The following NSD2 variants were observed in gnomAD, a reference collection of about 807,000 sequenced individuals.
The protein encoded by NSD2 is histone-lysine N-methyltransferase NSD2.
A neutral mutation model predicts 139.0 loss-of-function variants in NSD2; 12 were observed. That is an observed-to-expected ratio of 0.09 (90% CI 0.06 to 0.14). The LOEUF is 0.14. NSD2 is among the 10% of genes least tolerant of loss of function. The pLI, the probability that NSD2 is intolerant of heterozygous loss-of-function variation, is 1.00. For synonymous variants in NSD2, 669 were observed against 648.7 expected, an observed-to-expected ratio of 1.03 and a Z score of -0.48; for missense variants, 1,155 against 1,745.0, an observed-to-expected ratio of 0.66 and a Z score of 6.02.
intron 1 of NSD2, among the ~76,000 whole-genome samples, chr4:1,881,318 A>G (rs1310319580): frequency 6.6e-6 from 1 of 152,170 alleles, no homozygotes; most frequent in Non-Finnish European, 1.5e-5. Flanking sequence ...GCTGGAGTGC[A>G]GTGGCGCGAT....
Position 1,901,004 on chromosome 4 carries a change from T to C in NSD2, c.350T>C (p.Ile117Thr), listed in dbSNP as rs78479906. 1 of 1,614,060 alleles carries C rather than the reference T, an allele frequency of 6.2e-7. No individual in the cohort carries two copies. Among genetic ancestry groups the C allele is most frequent in the African/African-American group, 1.3e-5 (1 of 74,994 alleles). The change falls in exon 2 of 22, where the codon ATC becomes ACC. Residue 117 changes from isoleucine (I) to threonine (T), a missense_variant. By Grantham distance (89) the Ile-to-Thr change is moderately conservative. Coordinates refer to ENST00000508803, the MANE Select transcript of NSD2 (RefSeq NM_001042424.3). ...GIGTPPNTTP[I>T]KNGSPEIKLK... ...GGGACACCCCCTAACACTACCCCTA[T>C]CAAAAATGGCTCTCCAGAAATTAAG...
chr4:1,978,927 G>A lies in NSD2; in HGVS notation c.*18G>A. On this transcript the variant is annotated 3_prime_UTR_variant, in exon 22 of 22. Coordinates refer to ENST00000508803, the MANE Select transcript of NSD2 (RefSeq NM_001042424.3). Reference sequence around the variant, plus strand: ...GCAAATAGCGCCAGGCGGCCGCTTGGCCGGATCCAGGGGCGGTGCAGGGCG... The same window carrying A: ...GCAAATAGCGCCAGGCGGCCGCTTGACCGGATCCAGGGGCGGTGCAGGGCG... 3 of 1,479,072 alleles carry A rather than the reference G, an allele frequency of 2.0e-6. No individual in the cohort carries two copies. Among genetic ancestry groups the A allele is most frequent in the Non-Finnish European group, 2.7e-6 (3 of 1,112,004 alleles). 91.6% of individuals were successfully genotyped at this position (1,479,072 alleles called of 1,614,324 possible).
intron 1 of NSD2, among the ~76,000 whole-genome samples, chr4:1,874,493 A>G (rs1208630743): frequency 6.6e-6 from 1 of 152,166 alleles, no homozygotes; most frequent in Non-Finnish European, 1.5e-5. Flanking sequence ...TTCTCATGGC[A>G]TACACTCAGT....
chr4:1,892,333 C>G (rs1715640265), intron 1 of NSD2: 1 of 152,124 alleles, frequency 6.6e-6, no homozygotes, highest in Non-Finnish European at 1.5e-5. Context: ...ATAGCCTTCC[C>G]CCTGCTTCTG....
At chr4:1,961,006 T>C (rs371100224) in intron 17 of NSD2, 29 bp from the exon 18 acceptor site, 19 of 1,595,356 alleles carry the variant, frequency 1.2e-5, no homozygotes, top group Admixed American at 1.7e-5. Context: ...GCACGCTTTT[T>C]GTCATGGCCA....
intron 9 of NSD2, chr4:1,943,742 GA>G: frequency 9.5e-7 from 1 of 1,056,852 alleles, no homozygotes; most frequent in Non-Finnish European, 1.1e-6. Flanking sequence ...AAAACCCCAC[GA>G]AATTTAAAGA....
chr4:1,876,337 C>T (rs1714253463), intron 1 of NSD2, among the ~76,000 whole-genome samples: 1 of 152,120 alleles, frequency 6.6e-6, no homozygotes, highest in South Asian at 2.1e-4. Flanking sequence ...GTGGTTTCAA[C>T]AAAATATACA....
chr4:1,888,710 G>A (rs1306236621), intron 1 of NSD2, among the ~76,000 whole-genome samples: 3 of 150,220 alleles, frequency 2.0e-5, no homozygotes, highest in South Asian at 2.1e-4. Flanking sequence ...GATTACAGGC[G>A]TGAACCCACT....
chr4:1,947,345 G>T, intron 9 of NSD2: 1 of 1,061,974 alleles, frequency 9.4e-7, no homozygotes, highest in South Asian at 4.6e-5. Context: ...CACCTGCTTG[G>T]GGCTATGTGG....
chr4:1,899,801 G>A (rs1328124595), intron 1 of NSD2, among the ~76,000 whole-genome samples: 1 of 152,232 alleles, frequency 6.6e-6, no homozygotes, highest in Non-Finnish European at 1.5e-5. Context: ...TGGCCAGTGT[G>A]GTGCACTGGC....
At chr4:1,914,815 A>G (rs1411139662) in intron 3 of NSD2, among the ~76,000 whole-genome samples, 2 of 152,102 alleles carry the variant, frequency 1.3e-5, no homozygotes, top group African/African-American at 4.8e-5. Flanking sequence ...TTCTTGTTCC[A>G]TTAACTTGGA....
chr4:1,903,908 G>C (rs1433113351), intron 2 of NSD2, among the ~76,000 whole-genome samples: 3 of 151,974 alleles, frequency 2.0e-5, no homozygotes, highest in Non-Finnish European at 4.4e-5. Context: ...CTAATTTTTT[G>C]TATTTTTAGT....
Position 1,900,810 on chromosome 4 carries a change from G to A in NSD2, c.156G>A (p.Gln52=). The A allele has an allele frequency of 6.2e-7, 1 of 1,614,124 alleles. No homozygotes were observed. Among genetic ancestry groups the A allele is most frequent in the South Asian group, 1.1e-5 (1 of 91,084 alleles). The part of the protein sequence containing the change: ...RECSVFLSKA[Q]LSSSLQEGVM... ...GTTCTGTGTTCCTCAGCAAAGCCCA[G>A]CTCTCCAGTAGCCTGCAGGAGGGGG... Residue 52 remains glutamine, a synonymous_variant, in exon 2 of 22, where the codon CAG becomes CAA. Transcript: ENST00000508803.
At chr4:1,909,415 A>G (rs1718372112) in intron 3 of NSD2, among the ~76,000 whole-genome samples, 1 of 152,132 alleles carries the variant, frequency 6.6e-6, no homozygotes, top group Non-Finnish European at 1.5e-5. Flanking sequence ...TAGGTCTCCA[A>G]GCAGTGCTGA....
In NSD2 at chr4:1,982,075, G is replaced by A. The variant is rs1166081146; in HGVS notation, c.*3166G>A. The stretch of plus-strand genomic sequence containing the variant: ...CTTGAAATTCACTTTTTGGGGGGAG[G>A]GATATACTGAAATAGAGAGTTGAGA... On this transcript the variant is annotated 3_prime_UTR_variant, in exon 22 of 22. Transcript: ENST00000508803. 1 of 396,942 alleles carries A rather than the reference G, an allele frequency of 2.5e-6. No homozygotes were observed. The highest frequency in any genetic ancestry group is 4.4e-6 in the Non-Finnish European group (1 of 225,678). 24.6% of individuals were successfully genotyped at this position (396,942 alleles called of 1,614,324 possible).
At chr4:1,943,485 A>T (rs1723311655) in intron 9 of NSD2, 5 of 1,046,376 alleles carry the variant, frequency 4.8e-6, no homozygotes, top group Non-Finnish European at 4.6e-6. Context: ...TTGGCATGAA[A>T]AGTGGTCCTC....
chr4:1,900,520 A>G (rs1717007412), intron 1 of NSD2, 106 bp from the exon 2 acceptor site: 1 of 653,518 alleles, frequency 1.5e-6, no homozygotes, highest in South Asian at 4.1e-5. Context: ...TAAATTGCTT[A>G]CAAAGAAAAT....
chr4:1,938,401 C>CTTTTTTTTTTGTTTGT, intron 7 of NSD2, 50 bp from the exon 8 acceptor site: 3 of 872,424 alleles, frequency 3.4e-6, no homozygotes, highest in East Asian at 5.3e-5. Context: ...TTTTTCTTTT[C>CTTTTTTTTTTGTTTGT]TTTTTTTTTT....
chr4:1,904,562 T>C (rs73796609), intron 3 of NSD2, among the ~76,000 whole-genome samples, 184 bp downstream of exon 3: 14,423 of 152,274 alleles, frequency 0.095, 2,084 homozygotes, highest in African/African-American at 0.32. Flanking sequence ...AACTCAAATA[T>C]GTACTTCATC....
Sources: gnomAD v4.1 joint callset for allele counts (sites outside exome capture counted in the v4.1 genomes callset) on GRCh38, gnomAD v4.1.1 for gene constraint, MANE v1.5 for transcripts, NCBI Gene and HGNC (gene_info 2026-07-23, HGNC 2026-07-21) for gene names.